Variants in FBXW7 observed in about 807,000 individuals in gnomAD.
FBXW7 encodes F-box/WD repeat-containing protein 7.
A neutral mutation model predicts 86.3 loss-of-function variants in FBXW7; 11 were observed. That is an observed-to-expected ratio of 0.13 (90% CI 0.08 to 0.21). The LOEUF (loss-of-function observed/expected upper bound fraction) is 0.21. Ranked by LOEUF, FBXW7 falls within the 10% of genes least tolerant of loss-of-function variation. The probability of loss-of-function intolerance (pLI) is 1.00; values close to 1 mark genes in which losing one functional copy is unlikely to be tolerated. For missense variants in FBXW7, 488 were observed against 847.4 expected (o/e 0.58, Z 5.27); for synonymous variants, 313 against 297.9 (o/e 1.05, Z -0.52).
chr4:152,522,495 T>C (rs1054186409), intron 2 of FBXW7, among the ~76,000 whole-genome samples: 2 of 152,172 alleles, frequency 1.3e-5, no homozygotes, highest in Admixed American at 6.5e-5. Context: ...CAAAGTACCT[T>C]ATACAAAGGA....
At chr4:152,472,591 C>G (rs974020858) in intron 2 of FBXW7, among the ~76,000 whole-genome samples, 1 of 151,876 alleles carries the variant, frequency 6.6e-6, no homozygotes, top group Non-Finnish European at 1.5e-5. Context: ...CAAAAAAAAG[C>G]CAAGCTAATC....
At chr4:152,330,551 T>TCAGA (rs1356161410) in intron 9 of FBXW7, among the ~76,000 whole-genome samples, 181 bp downstream of exon 9, 20 of 152,004 alleles carry the variant, frequency 1.3e-4, no homozygotes, top group Admixed American at 1.2e-3. Context: ...CAATTAGTTG[T>TCAGA]CAGATTAGAG....
intron 2 of FBXW7, among the ~76,000 whole-genome samples, chr4:152,486,370 G>A (rs997302440): frequency 1.3e-5 from 2 of 152,056 alleles, no homozygotes; most frequent in African/African-American, 4.8e-5. Flanking sequence ...TCTGACTTTT[G>A]TAATAACATT....
intron 4 of FBXW7, among the ~76,000 whole-genome samples, chr4:152,401,623 A>T (rs1461071676): frequency 1.3e-5 from 2 of 152,332 alleles, no homozygotes; most frequent in Admixed American, 1.3e-4. Flanking sequence ...GTGTCAATAC[A>T]CATTTGCCCA....
chr4:152,435,657 C>T (rs1226891145), intron 2 of FBXW7, among the ~76,000 whole-genome samples: 3 of 152,172 alleles, frequency 2.0e-5, no homozygotes, highest in East Asian at 1.9e-4. Flanking sequence ...TCTGAGTAGA[C>T]GATTTTTTTT....
At chr4:152,531,145 T>A (rs1390903900) in intron 2 of FBXW7, among the ~76,000 whole-genome samples, 2 of 152,274 alleles carry the variant, frequency 1.3e-5, no homozygotes, top group East Asian at 3.9e-4. Flanking sequence ...GTACATGAAG[T>A]TACCACTCTT....
intron 11 of FBXW7, among the ~76,000 whole-genome samples, chr4:152,327,016 G>C (rs996760953): frequency 4.6e-5 from 7 of 152,014 alleles, no homozygotes; most frequent in Non-Finnish European, 1.0e-4. Context: ...CTGAAAACCA[G>C]AGCAATATAC....
chr4:152,341,849 A>T (rs142503542), intron 6 of FBXW7, among the ~76,000 whole-genome samples: 26 of 152,354 alleles, frequency 1.7e-4, no homozygotes, highest in African/African-American at 5.8e-4. Flanking sequence ...ACATGAAATA[A>T]CAACCTACAA....
At chr4:152,391,449 A>G (rs1365179459) in intron 4 of FBXW7, among the ~76,000 whole-genome samples, 2 of 152,186 alleles carry the variant, frequency 1.3e-5, no homozygotes, top group Non-Finnish European at 2.9e-5. Context: ...AAGAAAAATT[A>G]GAAACAAAGA....
intron 2 of FBXW7, among the ~76,000 whole-genome samples, chr4:152,452,725 T>C (rs987235545): frequency 1.3e-5 from 2 of 152,244 alleles, no homozygotes; most frequent in African/African-American, 4.8e-5. Context: ...AAAACTCATC[T>C]TGACTGTACA....
At chr4:152,369,055 T>C (rs1021482427) in intron 4 of FBXW7, among the ~76,000 whole-genome samples, 9 of 152,124 alleles carry the variant, frequency 5.9e-5, no homozygotes, top group African/African-American at 2.2e-4. Flanking sequence ...AAATTTATGC[T>C]GTGCATCTTC....
chr4:152,360,803 G>A (rs1732864516), intron 4 of FBXW7, among the ~76,000 whole-genome samples: 1 of 149,506 alleles, frequency 6.7e-6, no homozygotes, highest in South Asian at 2.1e-4. Context: ...TATGCATAGA[G>A]AAAAGCCTAG....
At chr4:152,394,177 C>T (rs1009274995) in intron 4 of FBXW7, among the ~76,000 whole-genome samples, 1 of 152,046 alleles carries the variant, frequency 6.6e-6, no homozygotes, top group Non-Finnish European at 1.5e-5. Context: ...ATAATCATCT[C>T]TTCACTGTGA....
chr4:152,510,522 G>C (rs1046169603), intron 2 of FBXW7, among the ~76,000 whole-genome samples: 2 of 152,084 alleles, frequency 1.3e-5, no homozygotes, highest in Admixed American at 6.5e-5. Flanking sequence ...GTAAAAAAGG[G>C]AGGAGAGAAA....
chr4:152,530,190 A>C (rs1207961681), intron 2 of FBXW7: 2 of 152,104 alleles, frequency 1.3e-5, no homozygotes, highest in East Asian at 3.9e-4. Flanking sequence ...TAAATGATTT[A>C]AGTGATTTGT....
At chr4:152,429,909 T>A (rs934959493) in intron 2 of FBXW7, among the ~76,000 whole-genome samples, 1 of 152,232 alleles carries the variant, frequency 6.6e-6, no homozygotes, top group African/African-American at 2.4e-5. Context: ...ATATTTTAGT[T>A]CTGTATCTTG....
intron 2 of FBXW7, among the ~76,000 whole-genome samples, chr4:152,520,305 C>T (rs1388536361): frequency 6.6e-6 from 1 of 151,524 alleles, no homozygotes; most frequent in Non-Finnish European, 1.5e-5. Flanking sequence ...CGGTGGCGGG[C>T]GCCTGTAGTC....
At chr4:152,517,664 A>C (rs1014246008) in intron 2 of FBXW7, among the ~76,000 whole-genome samples, 2 of 152,216 alleles carry the variant, frequency 1.3e-5, no homozygotes, top group South Asian at 2.1e-4. Flanking sequence ...TATTAACAAC[A>C]CTTACCTCAT....
chr4:152,356,145 T>C (rs937124663), intron 4 of FBXW7, among the ~76,000 whole-genome samples: 5 of 152,166 alleles, frequency 3.3e-5, no homozygotes, highest in African/African-American at 1.2e-4. Context: ...TTACTGCAGT[T>C]ATCATAGTTC....
Sources: allele counts gnomAD v4.1 joint callset (sites outside exome capture counted in the v4.1 genomes callset), GRCh38; gene constraint gnomAD v4.1.1; transcripts MANE v1.5; gene names NCBI Gene and HGNC (gene_info 2026-07-23, HGNC 2026-07-21).